The following RANBP2 variants were observed in gnomAD, a reference collection of about 807,000 sequenced individuals.
The protein encoded by RANBP2 is RAN binding protein 2, also known as E3 SUMO-protein ligase RanBP2.
Under a neutral mutation model 303.6 loss-of-function variants are expected in RANBP2, and 57 were observed. The observed-to-expected ratio is 0.19, with a 90% CI of 0.15 to 0.23. The LOEUF is 0.23. Among genes scored for constraint, RANBP2 ranks in the 10% least tolerant of loss-of-function variants. The pLI, the probability that RANBP2 is intolerant of heterozygous loss-of-function variation, is 1.00. For missense variants in RANBP2, 3,138 were observed against 3,780.8 expected (o/e 0.83, Z 4.46); for synonymous variants, 1,167 against 1,301.5 (o/e 0.90, Z 2.23).
At chr2:108,805,031 C>T in the RANBP2 span, 4 of 1,311,616 alleles carry the variant, frequency 3.0e-6, no homozygotes, top group African/African-American at 4.5e-5. Flanking sequence ...TTAATATATA[C>T]TGAACATAAG....
At chr2:108,727,849 C>T (rs1199675378) in intron 1 of RANBP2, among the ~76,000 whole-genome samples, 4 of 152,068 alleles carry the variant, frequency 2.6e-5, no homozygotes, top group African/African-American at 7.2e-5. Context: ...GTGATCCGCC[C>T]GCCTCGGTCT....
In RANBP2 at chr2:108,751,938, A is replaced by C; in HGVS notation, c.1699A>C (p.Lys567Gln). The C allele has an allele frequency of 6.2e-7, 1 of 1,612,016 alleles. No homozygotes were observed. Among genetic ancestry groups the C allele is most frequent in the South Asian group, 1.1e-5 (1 of 90,990 alleles). The change falls in exon 12 of 29, where the codon AAA becomes CAA. Residue 567 changes from lysine to glutamine, a missense_variant. This residue lies in a region of RANBP2 where 162 missense variants were observed against 286.9 expected (regional missense o/e 0.56). Coordinates refer to ENST00000283195, the MANE Select transcript of RANBP2 (RefSeq NM_006267.5). ...AATAAACACTCTAAGAGCCCAGGAA[A>C]AACATGGCCTTCAACCTGCTCTGCT... ...HEINTLRAQE[K>Q]HGLQPALLVH...
chr2:108,722,137 A>T (rs1694312078), intron 1 of RANBP2, among the ~76,000 whole-genome samples: 1 of 151,708 alleles, frequency 6.6e-6, no homozygotes. Flanking sequence ...ATTAAAAACC[A>T]CTGGTCTAGA....
the RANBP2 span, among the ~76,000 whole-genome samples, chr2:109,145,908 C>A: frequency 3.3e-5 from 5 of 152,164 alleles, no homozygotes; most frequent in Non-Finnish European, 5.9e-5. Context: ...GCGTGGAGCC[C>A]TGGAGCCCGA....
At chr2:109,437,861 G>A in the RANBP2 span, among the ~76,000 whole-genome samples, 6 of 152,112 alleles carry the variant, frequency 3.9e-5, no homozygotes, top group Non-Finnish European at 5.9e-5. Context: ...TGCTGGATTC[G>A]CAGGATGATC....
chr2:109,748,048 C>T, the RANBP2 span, among the ~76,000 whole-genome samples: 1 of 32,118 alleles, frequency 3.1e-5, no homozygotes, highest in Non-Finnish European at 5.7e-5. Flanking sequence ...GGCGGAGTCT[C>T]GCTCTGTCGC....
chr2:108,942,950 C>A, the RANBP2 span, among the ~76,000 whole-genome samples: 2 of 152,246 alleles, frequency 1.3e-5, no homozygotes, highest in African/African-American at 4.8e-5. Flanking sequence ...TTAGACCATG[C>A]CTTCCCGGCC....
At chr2:109,479,362 G>C in the RANBP2 span, among the ~76,000 whole-genome samples, 1 of 152,168 alleles carries the variant, frequency 6.6e-6, no homozygotes, top group Non-Finnish European at 1.5e-5. Context: ...GCTGTATTTA[G>C]AAAATACAAT....
chr2:109,678,416 G>C, the RANBP2 span, among the ~76,000 whole-genome samples: 1 of 152,168 alleles, frequency 6.6e-6, no homozygotes, highest in African/African-American at 2.4e-5. Context: ...TGGGCCTGGG[G>C]TGCTCCCCAC....
chr2:109,375,231 C>T, the RANBP2 span, among the ~76,000 whole-genome samples: 1 of 152,254 alleles, frequency 6.6e-6, no homozygotes, highest in Non-Finnish European at 1.5e-5. Flanking sequence ...AGCTCTTCTT[C>T]CCATGGCTCC....
the RANBP2 span, among the ~76,000 whole-genome samples, chr2:109,434,445 C>T: frequency 6.6e-6 from 1 of 152,226 alleles, no homozygotes; most frequent in Non-Finnish European, 1.5e-5. Flanking sequence ...TGAAATCCAG[C>T]TTCCTTGCGT....
chr2:109,615,983 G>A, the RANBP2 span: 95 of 1,555,686 alleles, frequency 6.1e-5, no homozygotes, highest in Admixed American at 7.9e-4. Flanking sequence ...TGGAGGGCAG[G>A]GGGGAGGAGG....
chr2:108,908,099 C>T, the RANBP2 span: 1 of 1,469,068 alleles, frequency 6.8e-7, no homozygotes, highest in East Asian at 2.4e-5. Flanking sequence ...GTGAACTTGT[C>T]CATTGCCCAG....
At chr2:108,820,198 A>G in the RANBP2 span, among the ~76,000 whole-genome samples, 2 of 152,206 alleles carry the variant, frequency 1.3e-5, no homozygotes, top group African/African-American at 2.4e-5. Context: ...ACTTGAAGCC[A>G]GGTGTTCAAG....
chr2:109,085,547 C>T, the RANBP2 span, among the ~76,000 whole-genome samples: 1 of 151,458 alleles, frequency 6.6e-6, no homozygotes, highest in Admixed American at 6.6e-5. Context: ...TCGTGATCCG[C>T]CTGCCTCAGC....
At chr2:109,278,363 G>T in the RANBP2 span, among the ~76,000 whole-genome samples, 1 of 152,154 alleles carries the variant, frequency 6.6e-6, no homozygotes, top group African/African-American at 2.4e-5. Flanking sequence ...ATCCCAGTGG[G>T]GCTTGCCAGT....
At chr2:108,896,769 C>T in the RANBP2 span, 7 of 818,358 alleles carry the variant, frequency 8.6e-6, no homozygotes, top group Non-Finnish European at 1.3e-5. Context: ...TTTCGTCTGG[C>T]TCCTTGAACA....
At chr2:109,777,383 TTGAC>T in the RANBP2 span, among the ~76,000 whole-genome samples, 10 of 145,488 alleles carry the variant, frequency 6.9e-5, no homozygotes, top group South Asian at 6.9e-4. Flanking sequence ...CTTTAATACA[TTGAC>T]TGATTTTTAT....
the RANBP2 span, among the ~76,000 whole-genome samples, chr2:109,081,369 T>G: frequency 2.6e-5 from 4 of 152,138 alleles, no homozygotes; most frequent in Non-Finnish European, 5.9e-5. Context: ...CAGCCCCCCA[T>G]GCAGGGATGG....
Sources: gnomAD v4.1 joint callset for allele counts (sites outside exome capture counted in the v4.1 genomes callset) on GRCh38, gnomAD v4.1.1 for gene constraint, gnomAD v4.1.1 regional missense constraint, MANE v1.5 for transcripts, NCBI Gene and HGNC (gene_info 2026-07-23, HGNC 2026-07-21) for gene names.